The following LRFN4 variants were observed in gnomAD, a reference collection of about 807,000 sequenced individuals.
LRFN4 encodes the protein leucine-rich repeat and fibronectin type-III domain-containing protein 4.
A neutral mutation model predicts 29.0 loss-of-function variants in LRFN4; 10 were observed. The observed-to-expected ratio is 0.35, with a 90% CI of 0.21 to 0.59. LRFN4 has a LOEUF of 0.59. Among genes scored for constraint, LRFN4 ranks in the 20% least tolerant of loss-of-function variants. LRFN4 has a pLI of 0.82. For synonymous variants in LRFN4, 493 were observed against 437.0 expected, an observed-to-expected ratio of 1.13 and a Z score of -1.60; for missense variants, 850 against 907.9, an observed-to-expected ratio of 0.94 and a Z score of 0.82.
chr11:66,858,935 C>T lies in LRFN4; in HGVS notation c.1191C>T (p.Ala397=), dbSNP rs200734989. 34 of 1,575,618 alleles carry T rather than the reference C, an allele frequency of 2.2e-5. No individual in the cohort carries two copies. Among genetic ancestry groups the T allele is most frequent in the Admixed American group, 1.6e-4 (9 of 56,916 alleles). Reference sequence around the variant, plus strand: ...TCGCCGCCTCCGCTCGCACTGCTGCCGAGGGTGAGGGGACGCTGGAGTCTG... The same window carrying T: ...TCGCCGCCTCCGCTCGCACTGCTGCTGAGGGTGAGGGGACGCTGGAGTCTG... The part of the protein sequence containing the change: ...SDIAASARTA[A]EGEGTLESEP... Residue 397 remains alanine (A), a synonymous_variant, in exon 1 of 2, where the codon GCC becomes GCT. Coordinates refer to ENST00000309602, the MANE Select transcript of LRFN4 (RefSeq NM_024036.5). The surrounding 1 kb of genome is among the most constrained non-coding windows in gnomAD (Gnocchi z 5.9).
chr11:66,859,592 G>A (rs1946113143), intron 1 of LRFN4, 45 bp from the exon 2 acceptor site: 14 of 1,610,066 alleles, frequency 8.7e-6, no homozygotes, highest in Non-Finnish European at 1.2e-5. Context: ...TGAGGATGGG[G>A]CTAGACCCCA....
rs1946179860 is a variant in LRFN4, at chr11:66,860,310, C to A, written c.*115C>A. 2.8e-6 allele frequency: 4 copies of A among 1,413,508 alleles called. No individual in the cohort carries two copies. The highest frequency in any genetic ancestry group is 3.9e-6 in the Non-Finnish European group (4 of 1,034,996). The allele number at this position is 1,413,508 out of a possible 1,614,324, so 87.6% of individuals were successfully genotyped here. On this transcript the variant is annotated 3_prime_UTR_variant, in exon 2 of 2. Coordinates refer to ENST00000309602, the MANE Select transcript of LRFN4 (RefSeq NM_024036.5). ...GTTTTTATTCTCAGTACCTCAGGCT[C>A]CCCTGTGTACTTGGAGGGGCAGGGA...
intron 1 of LRFN4, among the ~76,000 whole-genome samples, chr11:66,859,319 G>A (rs1699505598): frequency 6.6e-6 from 1 of 152,160 alleles, no homozygotes; most frequent in African/African-American, 2.4e-5. Flanking sequence ...TGTCCCAGGT[G>A]TCACTGAGCT....
chr11:66,859,174 C>A (rs1946085299), intron 1 of LRFN4, 81 bp downstream of exon 1: 2 of 1,422,454 alleles, frequency 1.4e-6, no homozygotes, highest in African/African-American at 1.5e-5. Flanking sequence ...TTTGCTTCCA[C>A]CCCTCCTCTC....
chr11:66,859,538 C>A (rs1946109647), intron 1 of LRFN4, 99 bp from the exon 2 acceptor site: 1 of 1,559,100 alleles, frequency 6.4e-7, no homozygotes, highest in Admixed American at 1.9e-5. Context: ...CGAGTGGCCC[C>A]AGGGGGAGGG....
Position 66,860,136 on chromosome 11 carries a change from G to A in LRFN4, c.1849G>A (p.Gly617Arg), listed in dbSNP as rs774244225. Residue 617 changes from glycine (G) to arginine (R), a missense_variant, in exon 2 of 2, where the codon GGG becomes AGG. Around this residue, in one of 2 missense-constraint regions of LRFN4, gnomAD observed 744 missense variants for 753.8 expected, o/e 0.99. Transcript: ENST00000309602. ...CCACTCTGTGCATGGGGGGCTGCTC[G>A]GGGCAGGGTGCCGGGGGGTAGGAGG... ...RSHSVHGGLL[G>R]AGCRGVGGSA... 1.7e-5 allele frequency: 26 copies of A among 1,549,620 alleles called. No individual in the cohort carries two copies. The highest frequency in any genetic ancestry group is 1.7e-4 in the Middle Eastern group (1 of 6,006).
rs763973426 is a variant in LRFN4 at position 66,857,805 on chromosome 11, T to C, written c.61T>C (p.Cys21Arg). 1.2e-6 allele frequency: 2 copies of C among 1,600,724 alleles called. No individual in the cohort carries two copies. The highest frequency in any genetic ancestry group is 2.2e-5 in the East Asian group (1 of 44,810). Residue 21 changes from cysteine (C) to arginine (R), a missense_variant, in exon 1 of 2, where the codon TGC (cysteine) becomes CGC (arginine). Around this residue, in one of 2 missense-constraint regions of LRFN4, gnomAD observed 106 missense variants for 154.2 expected, o/e 0.69. Transcript: ENST00000309602. The surrounding 1 kb of genome is among the most constrained non-coding windows in gnomAD (Gnocchi z 7.1). ...ASGAAACPLP[C>R]VCQNLSESLS... ...TGGAGCGGCCGCCTGCCCGCTGCCC[T>C]GCGTCTGCCAGAACCTGTCCGAGTC...
rs1010816428 is a variant in LRFN4, at chr11:66,858,417, G to A, written c.673G>A (p.Ala225Thr). The change falls in exon 1 of 2, where the codon GCC becomes ACC. Residue 225 changes from alanine to threonine, a missense_variant. By Grantham distance (58) the Ala-to-Thr change is moderately conservative. Transcript: ENST00000309602. The surrounding 1 kb of genome is among the most constrained non-coding windows in gnomAD (Gnocchi z 5.9). ...SRGRDAEASPAPLVLSFSGNP... is the reference protein window; with the variant it reads ...SRGRDAEASPTPLVLSFSGNP... ...TGGGCGTGATGCAGAGGCCTCTCCC[G>A]CCCCCCTGGTGCTGAGCTTTAGCGG... 2.6e-6 allele frequency: 4 copies of A among 1,554,894 alleles called. No homozygotes were observed. Among genetic ancestry groups the A allele is most frequent in the Non-Finnish European group, 3.5e-6 (4 of 1,156,224 alleles).
At position 66,857,595 on chromosome 11, in the gene LRFN4, T is replaced by G; in HGVS notation, c.-150T>G. On this transcript the variant is annotated 5_prime_UTR_variant, in exon 1 of 2. Transcript: ENST00000309602. This position sits in a 1 kb window ranked among gnomAD's most constrained non-coding sequence, Gnocchi z 7.1. Reference sequence around the variant, plus strand: ...CCCTGCAGGCCCCAACCTTCCCTCATCTCTGGCGGCCCTCTTGGGCCTCTG... The same window carrying G: ...CCCTGCAGGCCCCAACCTTCCCTCAGCTCTGGCGGCCCTCTTGGGCCTCTG... 2 of 806,230 alleles carry G rather than the reference T, an allele frequency of 2.5e-6. No individual in the cohort carries two copies. Among genetic ancestry groups the G allele is most frequent in the Non-Finnish European group, 3.8e-6 (2 of 527,340 alleles). 49.9% of individuals were successfully genotyped at this position (806,230 alleles called of 1,614,324 possible).
In LRFN4 at chr11:66,858,974, G is replaced by A. The variant is rs1387412818; in HGVS notation, c.1230G>A (p.Gln410=). 1.9e-6 allele frequency: 3 copies of A among 1,566,954 alleles called. No homozygotes were observed. The highest frequency in any genetic ancestry group is 2.6e-6 in the Non-Finnish European group (3 of 1,152,710). ...CGCTGGAGTCTGAGCCAGCCGTGCA[G>A]GTGACGGAGGTGACCGCCACCTCAG... ...EGTLESEPAV[Q]VTEVTATSGL... The change falls in exon 1 of 2, where the codon CAG becomes CAA. Residue 410 remains glutamine, a synonymous_variant. Coordinates refer to ENST00000309602, the MANE Select transcript of LRFN4 (RefSeq NM_024036.5). This position sits in a 1 kb window ranked among gnomAD's most constrained non-coding sequence, Gnocchi z 5.9.
chr11:66,859,848 G>A lies in LRFN4; in HGVS notation c.1561G>A (p.Ala521Thr). ...CGTGCTGGGCGGGACCCTGACCGTGGCCGTGGGGGGTGTGCTGGTGGCTGC... is the reference window on the plus strand; with the variant it reads ...CGTGCTGGGCGGGACCCTGACCGTGACCGTGGGGGGTGTGCTGGTGGCTGC... The part of the protein sequence containing the change: ...AHVLGGTLTV[A>T]VGGVLVAALL... The change falls in exon 2 of 2, where the codon GCC (alanine) becomes ACC (threonine). Residue 521 changes from alanine (A) to threonine (T), a missense_variant. Ala to Thr is a moderately conservative substitution (Grantham distance 58). Transcript: ENST00000309602. 6.4e-7 allele frequency: 1 copy of A among 1,565,846 alleles called. No individual in the cohort carries two copies. The highest frequency in any genetic ancestry group is 8.7e-7 in the Non-Finnish European group (1 of 1,155,078).
Position 66,858,849 on chromosome 11 carries a change from C to T in LRFN4, c.1105C>T (p.Leu369=). The T allele has an allele frequency of 6.4e-7, 1 of 1,551,596 alleles. No individual in the cohort carries two copies. The highest frequency in any genetic ancestry group is 1.2e-5 in the South Asian group (1 of 85,726). ...EATARVELRV[L]ALPHGGNSSA... ...CACAGCCCGAGTAGAACTGCGGGTG[C>T]TGGCCTTGCCCCATGGTGGGAACAG... Residue 369 remains leucine (L), a synonymous_variant, in exon 1 of 2, where the codon CTG becomes TTG. Coordinates refer to ENST00000309602, the MANE Select transcript of LRFN4 (RefSeq NM_024036.5). This position sits in a 1 kb window ranked among gnomAD's most constrained non-coding sequence, Gnocchi z 5.9.
In LRFN4 at chr11:66,859,104, G is replaced by A. The variant is rs201354890; in HGVS notation, c.1349+11G>A. The stretch of plus-strand genomic sequence containing the variant: ...GACCCTCATCTACCGGTGAGGATGC[G>A]TGCCCCACACCCGGCTGCACTCCCG... On this transcript the variant is annotated intron_variant, in intron 1 of 1. Coordinates refer to ENST00000309602, the MANE Select transcript of LRFN4 (RefSeq NM_024036.5). 2.4e-5 allele frequency: 36 copies of A among 1,482,420 alleles called. No individual in the cohort carries two copies. Among genetic ancestry groups the A allele is most frequent in the African/African-American group, 8.6e-5 (6 of 69,876 alleles). 91.8% of individuals were successfully genotyped at this position (1,482,420 alleles called of 1,614,324 possible).
rs1475148295 is a variant in LRFN4, at chr11:66,857,407, G to A, written c.-338G>A. ...CGGGGGAGGGTATGGCGGGGAGTGG[G>A]GAGGCGGCTGGCGATTCCTGGGGAC... On this transcript the variant is annotated 5_prime_UTR_variant, in exon 1 of 2. Coordinates refer to ENST00000309602, the MANE Select transcript of LRFN4 (RefSeq NM_024036.5). The surrounding 1 kb of genome is among the most constrained non-coding windows in gnomAD (Gnocchi z 7.1). 7 of 290,842 alleles carry A rather than the reference G, an allele frequency of 2.4e-5. No homozygotes were observed. Among genetic ancestry groups the A allele is most frequent in the Non-Finnish European group, 4.5e-5 (7 of 156,612 alleles). 18.0% of individuals were successfully genotyped at this position (290,842 alleles called of 1,614,324 possible). A position where few individuals can be genotyped will look rare whatever the true frequency, so the allele number is the denominator to read the frequency against.
rs753688182 is a variant in LRFN4, at chr11:66,858,645, C to T, written c.901C>T (p.Arg301Trp). The stretch of plus-strand genomic sequence containing the variant: ...GCTGGAAGGCCAGCGGGCCACGCTG[C>T]GGTGCCGGGCCCTGGGTGACCCCGC... ...WVLEGQRATLRCRALGDPAPT... is the reference protein window; with the variant it reads ...WVLEGQRATLWCRALGDPAPT... The change falls in exon 1 of 2, where the codon CGG becomes TGG. Residue 301 changes from arginine to tryptophan, a missense_variant. By Grantham distance (101) the Arg-to-Trp change is moderately radical. Around this residue, in one of 2 missense-constraint regions of LRFN4, gnomAD observed 744 missense variants for 753.8 expected, o/e 0.99. Transcript: ENST00000309602. This position sits in a 1 kb window ranked among gnomAD's most constrained non-coding sequence, Gnocchi z 5.9. 37 of 1,539,394 alleles carry T rather than the reference C, an allele frequency of 2.4e-5. No homozygotes were observed. Among genetic ancestry groups the T allele is most frequent in the Non-Finnish European group, 1.2e-5 (14 of 1,143,658 alleles).
Position 66,857,229 on chromosome 11 carries a change from A to G in LRFN4, c.-516A>G, listed in dbSNP as rs1383636363. ...GCCTCGTCCCCGCGGGAGAGCGGCC[A>G]GGAGTCGGCGGGGGCCGGCCGGGCT... On this transcript the variant is annotated 5_prime_UTR_variant, in exon 1 of 2. Transcript: ENST00000309602. The surrounding 1 kb of genome is among the most constrained non-coding windows in gnomAD (Gnocchi z 7.1). The G allele has an allele frequency of 2.7e-5, 4 of 148,514 alleles. No homozygotes were observed. 9.2% of individuals were successfully genotyped at this position (148,514 alleles called of 1,614,324 possible).
Position 66,857,924 on chromosome 11 carries a change from C to T in LRFN4, c.180C>T (p.Ile60=). ...AGCTGCGGCTGGCTGACAACTTCATCCAGGCCCTGGGGCCCCCTGACTTCC... is the reference window on the plus strand; with the variant it reads ...AGCTGCGGCTGGCTGACAACTTCATTCAGGCCCTGGGGCCCCCTGACTTCC... ...TVELRLADNF[I]QALGPPDFRN... is the part of the protein sequence containing the mutation. Residue 60 remains isoleucine (I), a synonymous_variant, in exon 1 of 2, where the codon ATC becomes ATT. Transcript: ENST00000309602. This position sits in a 1 kb window ranked among gnomAD's most constrained non-coding sequence, Gnocchi z 7.1. The T allele has an allele frequency of 6.2e-7, 1 of 1,612,370 alleles. No homozygotes were observed. The highest frequency in any genetic ancestry group is 8.5e-7 in the Non-Finnish European group (1 of 1,179,922).
chr11:66,859,215 G>A, intron 1 of LRFN4, 122 bp downstream of exon 1: 1 of 1,261,618 alleles, frequency 7.9e-7, no homozygotes, highest in East Asian at 2.7e-5. Flanking sequence ...CCCGACCATG[G>A]CTGCTGGACT....
rs1376541029 is a variant in LRFN4 at position 66,858,412 on chromosome 11, C to T, written c.668C>T (p.Ser223Phe). ...TCTCGTGGGCGTGATGCAGAGGCCT[C>T]TCCCGCCCCCCTGGTGCTGAGCTTT... ...LFSRGRDAEA[S>F]PAPLVLSFSG... is the part of the protein sequence containing the mutation. Residue 223 changes from serine to phenylalanine, a missense_variant, in exon 1 of 2, where the codon TCT becomes TTT. Ser to Phe is a radical substitution (Grantham distance 155). Around this residue, in one of 2 missense-constraint regions of LRFN4, gnomAD observed 744 missense variants for 753.8 expected, o/e 0.99. Coordinates refer to ENST00000309602, the MANE Select transcript of LRFN4 (RefSeq NM_024036.5). The surrounding 1 kb of genome is among the most constrained non-coding windows in gnomAD (Gnocchi z 5.9). 1 of 1,556,216 alleles carries T rather than the reference C, an allele frequency of 6.4e-7. No homozygotes were observed. Among genetic ancestry groups the T allele is most frequent in the East Asian group, 2.4e-5 (1 of 42,114 alleles).
Sources: gnomAD v4.1 joint callset for allele counts (sites outside exome capture counted in the v4.1 genomes callset) on GRCh38, gnomAD v4.1.1 for gene constraint, gnomAD v4.1.1 regional missense constraint, Gnocchi (gnomAD v3.1) non-coding constraint, MANE v1.5 for transcripts, NCBI Gene and HGNC (gene_info 2026-07-23, HGNC 2026-07-21) for gene names.